Variants in FAM219B observed in about 807,000 individuals in gnomAD.
The protein encoded by FAM219B is family with sequence similarity 219 member B.
Under a neutral mutation model 19.9 loss-of-function variants are expected in FAM219B, and 18 were observed. That is an observed-to-expected ratio of 0.91 (90% CI 0.63 to 1.34). The LOEUF (loss-of-function observed/expected upper bound fraction) is 1.34, where lower values mean the gene tolerates loss of function less well. Ranked by LOEUF, FAM219B falls within the 40% of genes most tolerant of loss-of-function variation. FAM219B has a pLI of 0.00. For missense variants in FAM219B, 283 were observed against 270.5 expected (o/e 1.05, Z -0.32); for synonymous variants, 123 against 117.5 (o/e 1.05, Z -0.30).
At chr15:74,898,539 CTCT>C (rs1012449548), downstream of FAM219B, 3 of 150,844 alleles carry the variant, frequency 2.0e-5, no homozygotes, top group South Asian at 2.1e-4. Context: ...TCCTGTTTTT[CTCT>C]TTTTTTTTTT....
chr15:74,900,401 T>C lies in FAM219B; in HGVS notation c.*2218A>G, dbSNP rs1231416708. On this transcript the variant is annotated 3_prime_UTR_variant, in exon 5 of 5. Transcript: ENST00000357635. ...AACAACGATGCAGAGGGCCTTGGTT[T>C]TGGGGTCCTGCCACCCTCACCCCTA... 2 of 152,264 alleles carry C rather than the reference T, an allele frequency of 1.3e-5. No homozygotes were observed. Among genetic ancestry groups the C allele is most frequent in the East Asian group, 1.9e-4 (1 of 5,208 alleles). The allele number at this position is 152,264 out of a possible 1,614,324, so 9.4% of individuals were successfully genotyped here.
In FAM219B at chr15:74,901,463, A is replaced by C. The variant is rs1311357969; in HGVS notation, c.*1156T>G. The C allele has an allele frequency of 1.3e-5, 2 of 152,164 alleles. No homozygotes were observed. The highest frequency in any genetic ancestry group is 2.4e-5 in the African/African-American group (1 of 41,416). 9.4% of individuals were successfully genotyped at this position (152,164 alleles called of 1,614,324 possible). A position where few individuals can be genotyped will look rare whatever the true frequency, so the allele number is the denominator to read the frequency against. On this transcript the variant is annotated 3_prime_UTR_variant, in exon 5 of 5. Transcript: ENST00000357635. ...TGGGGGCTGAAAGAGGCTGTGTCAC[A>C]CCCAGAGGTCTGCTTAAAGCCCAAT...
At chr15:74,898,377 G>A (rs1219820437), downstream of FAM219B, 1 of 171,096 alleles carries the variant, frequency 5.8e-6, no homozygotes, top group Non-Finnish European at 1.3e-5. Flanking sequence ...CAGAACACCG[G>A]TATGGGAAGG....
In FAM219B at chr15:74,906,713, C is replaced by T. The variant is rs879066856; in HGVS notation, c.88G>A (p.Ala30Thr). 1 of 1,391,886 alleles carries T rather than the reference C, an allele frequency of 7.2e-7. No homozygotes were observed. The highest frequency in any genetic ancestry group is 2.1e-4 in the Middle Eastern group (1 of 4,860). The allele number at this position is 1,391,886 out of a possible 1,614,324, so 86.2% of individuals were successfully genotyped here. A position where few individuals can be genotyped will look rare whatever the true frequency, so the allele number is the denominator to read the frequency against. Residue 30 changes from alanine (A) to threonine (T), a missense_variant, in exon 1 of 5, where the codon GCT becomes ACT. Transcript: ENST00000357635. Reference protein sequence around the residue: ...PSGARDRAPGAAGPPSGQIGN... With the variant: ...PSGARDRAPGTAGPPSGQIGN... ...ATCTGCCCGGAGGGTGGCCCCGCAG[C>T]TCCCGGCGCGCGGTCCCGAGCCCCG...
chr15:74,903,600 C>CAAAAAAA (rs60354993), intron 4 of FAM219B, among the ~76,000 whole-genome samples: 21 of 46,062 alleles, frequency 4.6e-4, no homozygotes, highest in Non-Finnish European at 6.8e-4. Context: ...GACTCTGTCT[C>CAAAAAAA]AAAAAAAAAA....
chr15:74,903,387 T>C (rs1595839898), intron 4 of FAM219B, among the ~76,000 whole-genome samples: 1 of 151,734 alleles, frequency 6.6e-6, no homozygotes, highest in Admixed American at 6.6e-5. Flanking sequence ...GATCACGAGG[T>C]CAGGAGATCG....
chr15:74,904,939 C>T (rs964197879), intron 3 of FAM219B: 7 of 1,522,118 alleles, frequency 4.6e-6, no homozygotes, highest in Middle Eastern at 1.7e-4. Flanking sequence ...GCAGGATGAT[C>T]CCCCGGACAT....
In FAM219B at chr15:74,902,619, C is replaced by G. The variant is rs1238919813; in HGVS notation, c.597G>C (p.Ter199TyrextTer35). The G allele has an allele frequency of 1.0e-5, 16 of 1,605,396 alleles. No homozygotes were observed. Among genetic ancestry groups the G allele is most frequent in the Non-Finnish European group, 1.4e-5 (16 of 1,175,778 alleles). ...CAGGGCCCACCTTGGAGGGTAATGT[C>G]TACTGGAGGGTACAGGAAGAAGAGT... The part of the protein sequence containing the change: ...LGDSSSCTLQ[*>Y] The change falls in exon 5 of 5, where the codon TAG (stop) becomes TAC (tyrosine). Residue 199 changes from the stop codon to tyrosine (Y), a stop_lost. Coordinates refer to ENST00000357635, the MANE Select transcript of FAM219B (RefSeq NM_020447.5).
chr15:74,903,619 A>G (rs867559001), intron 4 of FAM219B, among the ~76,000 whole-genome samples: 29 of 146,564 alleles, frequency 2.0e-4, no homozygotes, highest in South Asian at 6.3e-4. Context: ...AAAAAAAAAA[A>G]AAAAAGAAAA....
At position 74,906,495 on chromosome 15, in the gene FAM219B, G is replaced by A; in HGVS notation, c.214+92C>T. 4 of 1,489,024 alleles carry A rather than the reference G, an allele frequency of 2.7e-6. No individual in the cohort carries two copies. The South Asian group carries it at 5.3e-5, about 20-fold the overall frequency. The allele number at this position is 1,489,024 out of a possible 1,614,324, so 92.2% of individuals were successfully genotyped here. ...GGCTGCAGCTAACCCCTTCCCTCCG[G>A]GGCCGAGGCCCAGCGGAGCTCCGGA... On this transcript the variant is annotated intron_variant, in intron 1 of 4. Coordinates refer to ENST00000357635, the MANE Select transcript of FAM219B (RefSeq NM_020447.5).
Position 74,902,641 on chromosome 15 carries a change from G to C in FAM219B, c.575C>G (p.Ser192Cys). The C allele has an allele frequency of 6.2e-7, 1 of 1,611,358 alleles. No individual in the cohort carries two copies. ...TGTCTACTGGAGGGTACAGGAAGAA[G>C]AGTCCCCAAGACAGCACCAGCAGCA... Reference protein sequence around the residue: ...CSCCWCCLGDSSSCTLQ With the variant: ...CSCCWCCLGDCSSCTLQ The change falls in exon 5 of 5, where the codon TCT becomes TGT. Residue 192 changes from serine (S) to cysteine (C), a missense_variant. Physicochemically the swap from Ser to Cys is moderately radical, Grantham distance 112. Coordinates refer to ENST00000357635, the MANE Select transcript of FAM219B (RefSeq NM_020447.5).
At chr15:74,906,433 G>A in intron 1 of FAM219B, 68 bp from the exon 2 acceptor site, 7 of 1,554,242 alleles carry the variant, frequency 4.5e-6, no homozygotes, top group Non-Finnish European at 5.2e-6. Flanking sequence ...AGGCTGGGAG[G>A]CCGCTCTTTC....
At position 74,906,786 on chromosome 15, in the gene FAM219B, C is replaced by G. The variant is rs1416706695; in HGVS notation, c.15G>C (p.Glu5Asp). Residue 5 changes from glutamate to aspartate, a missense_variant, in exon 1 of 5, where the codon GAG becomes GAC. Transcript: ENST00000357635. ...ACAACCGCAACGCGCGCCCGCTGGG[C>G]TCCGCGGTCGCCATGGCCGGGCCCC... is the stretch of plus-strand genomic sequence containing the variant. MATA[E>D]PSGRALRLST... The G allele has an allele frequency of 3.9e-6, 5 of 1,287,108 alleles. No individual in the cohort carries two copies. Among genetic ancestry groups the G allele is most frequent in the East Asian group, 6.3e-5 (2 of 31,858 alleles). 79.7% of individuals were successfully genotyped at this position (1,287,108 alleles called of 1,614,324 possible). A position where few individuals can be genotyped will look rare whatever the true frequency, so the allele number is the denominator to read the frequency against.
chr15:74,905,307 G>A (rs370420630), intron 2 of FAM219B, 76 bp from the exon 3 acceptor site: 19 of 1,429,778 alleles, frequency 1.3e-5, no homozygotes, highest in African/African-American at 8.4e-5. Flanking sequence ...CAGAGTCCTC[G>A]CCCTGAAGGA....
rs2064981105 is a variant in FAM219B, at chr15:74,902,050, T to C, written c.*569A>G. The C allele has an allele frequency of 5.0e-6, 2 of 398,576 alleles. No individual in the cohort carries two copies. The highest frequency in any genetic ancestry group is 8.8e-6 in the Non-Finnish European group (2 of 226,020). 24.7% of individuals were successfully genotyped at this position (398,576 alleles called of 1,614,324 possible). A position where few individuals can be genotyped will look rare whatever the true frequency, so the allele number is the denominator to read the frequency against. Reference sequence around the variant, plus strand: ...AACCTGCTATGATCCCTGTCATAGTTAGACAGGTGCAACCTGAAGAGGGAC... The same window carrying C: ...AACCTGCTATGATCCCTGTCATAGTCAGACAGGTGCAACCTGAAGAGGGAC... On this transcript the variant is annotated 3_prime_UTR_variant, in exon 5 of 5. Coordinates refer to ENST00000357635, the MANE Select transcript of FAM219B (RefSeq NM_020447.5).
intron 4 of FAM219B, 27 bp downstream of exon 4, chr15:74,904,637 C>T (rs2065109135): frequency 6.2e-7 from 1 of 1,613,982 alleles, no homozygotes; most frequent in Non-Finnish European, 8.5e-7. Flanking sequence ...CAGCCTGGCC[C>T]TGCACAGAAA....
rs2064924840 is a variant in FAM219B at position 74,900,832 on chromosome 15, A to G, written c.*1787T>C. On this transcript the variant is annotated 3_prime_UTR_variant, in exon 5 of 5. Coordinates refer to ENST00000357635, the MANE Select transcript of FAM219B (RefSeq NM_020447.5). ...TCTCTCTGCTGTGATGCTCCTAGCTAGTAGAGTAAGTCAGCCCCCAGATAC... is the reference window on the plus strand; with the variant it reads ...TCTCTCTGCTGTGATGCTCCTAGCTGGTAGAGTAAGTCAGCCCCCAGATAC... 6.6e-6 allele frequency: 1 copy of G among 152,204 alleles called. No homozygotes were observed. Among genetic ancestry groups the G allele is most frequent in the African/African-American group, 2.4e-5 (1 of 41,448 alleles). The allele number at this position is 152,204 out of a possible 1,614,324, so 9.4% of individuals were successfully genotyped here.
intron 3 of FAM219B, 43 bp downstream of exon 3, chr15:74,905,111 C>G: frequency 6.2e-7 from 1 of 1,613,100 alleles, no homozygotes; most frequent in Middle Eastern, 1.7e-4. Context: ...TCAGTCCCAG[C>G]CAAGTTGCTT....
Position 74,902,682 on chromosome 15 carries a change from G to C in FAM219B, c.534C>G (p.Ala178=), listed in dbSNP as rs2065011053. ...ACCAGCAGCAGGAGCATGTTGAAGA[G>C]GCCATGGGCTTAGGGGGGATGAGGT... ...DLDLIPPKPM[A]SSTCSCCWCC... Residue 178 remains alanine, a synonymous_variant, in exon 5 of 5, where the codon GCC becomes GCG. Transcript: ENST00000357635. 6.2e-7 allele frequency: 1 copy of C among 1,613,296 alleles called. No homozygotes were observed. Among genetic ancestry groups the C allele is most frequent in the Non-Finnish European group, 8.5e-7 (1 of 1,179,616 alleles).
Sources: allele counts gnomAD v4.1 joint callset (sites outside exome capture counted in the v4.1 genomes callset), GRCh38; gene constraint gnomAD v4.1.1; transcripts MANE v1.5; gene names NCBI Gene and HGNC (gene_info 2026-07-23, HGNC 2026-07-21).